Variants in NOS1 observed in about 807,000 individuals in gnomAD.
NOS1 encodes the protein nitric oxide synthase 1.
A neutral mutation model predicts 164.5 loss-of-function variants in NOS1; 51 were observed. The ratio of observed to expected loss-of-function variants is 0.31; its 90% CI spans 0.25 to 0.39. The LOEUF is 0.39. NOS1 is among the 10% of genes least tolerant of loss of function. The pLI, the probability that NOS1 is intolerant of heterozygous loss-of-function variation, is 1.00. For synonymous variants in NOS1, 719 were observed against 745.8 expected, an observed-to-expected ratio of 0.96 and a Z score of 0.59; for missense variants, 1,362 against 1,885.6, an observed-to-expected ratio of 0.72 and a Z score of 5.14.
intron 1 of NOS1, among the ~76,000 whole-genome samples, chr12:117,346,033 T>C (rs1199306692): frequency 6.6e-6 from 1 of 152,212 alleles, no homozygotes; most frequent in Non-Finnish European, 1.5e-5. Context: ...CATGCCGTGT[T>C]TGGAGAGCAG....
chr12:117,350,115 G>A (rs1158798476), intron 1 of NOS1, among the ~76,000 whole-genome samples: 1 of 152,046 alleles, frequency 6.6e-6, no homozygotes, highest in East Asian at 1.9e-4. Flanking sequence ...TTTCCACCAA[G>A]AAAGTTTCTC....
intron 1 of NOS1, among the ~76,000 whole-genome samples, chr12:117,353,326 C>G (rs1415777787): frequency 6.6e-6 from 1 of 152,128 alleles, no homozygotes; most frequent in African/African-American, 2.4e-5. Context: ...ACCTACCTAC[C>G]TCTCCATCTA....
rs76496626 is a variant in NOS1 at position 117,335,015 on chromosome 12, C to T, written c.-420-3526G>A. ...TTCTCTAAACCTCAGTTCCAAAATG[C>T]GGTCATTTGTAATCACCTCGTCTCT... On this transcript the variant is annotated intron_variant, in intron 1 of 28. Transcript: ENST00000317775. Among the ~76,000 whole-genome samples the T allele has an allele frequency of 9.6e-3, 1,463 of 152,192 alleles. 26 individuals are homozygous for T. Among genetic ancestry groups the T allele is most frequent in the South Asian group, 0.035 (168 of 4,820 alleles).
At chr12:117,227,872 A>G (rs1250770533) in intron 22 of NOS1, among the ~76,000 whole-genome samples, 6 of 152,004 alleles carry the variant, frequency 3.9e-5, no homozygotes, top group African/African-American at 1.4e-4. Context: ...ACAAAAAATT[A>G]AGAAAAATTA....
chr12:117,265,947 C>A (rs561155007), intron 11 of NOS1, among the ~76,000 whole-genome samples: 1 of 130,532 alleles, frequency 7.7e-6, no homozygotes, highest in African/African-American at 2.8e-5. Flanking sequence ...CCCGCCACCA[C>A]GCCTGGCTAA....
intron 1 of NOS1, among the ~76,000 whole-genome samples, chr12:117,357,456 A>G (rs2136099555): frequency 6.6e-6 from 1 of 152,382 alleles, no homozygotes; most frequent in Admixed American, 6.5e-5. Context: ...CGGGGCTTGT[A>G]CTGAAGGAAA....
intron 2 of NOS1, among the ~76,000 whole-genome samples, chr12:117,320,415 G>A (rs74744759): frequency 0.012 from 1,883 of 152,212 alleles, 41 homozygotes; most frequent in African/African-American, 0.042. Context: ...ACAAGCTAAA[G>A]GATGCAAGGA....
intron 26 of NOS1, among the ~76,000 whole-genome samples, chr12:117,221,317 G>C (rs1410805256): frequency 6.7e-6 from 1 of 150,214 alleles, no homozygotes; most frequent in African/African-American, 2.5e-5. Context: ...ACCACACCTG[G>C]CTTTTTTTTT....
chr12:117,260,826 A>ATT lies in NOS1; in HGVS notation c.2223-219_2223-218dup, dbSNP rs9658423. 1.1e-4 allele frequency among the ~76,000 whole-genome samples: 17 copies of ATT among 151,854 alleles called. No individual in the cohort carries two copies. The South Asian group carries it at 3.5e-3, about 32-fold the overall frequency. On this transcript the variant is annotated intron_variant, in intron 13 of 28. Coordinates refer to ENST00000317775, the MANE Select transcript of NOS1 (RefSeq NM_000620.5). The stretch of plus-strand genomic sequence containing the variant: ...ATTATTAAATCCTTTATTTTATTTT[A>ATT]TTTTTTAACTTCTCTAGAGATAATG...
At chr12:117,300,438 C>A (rs1488573872) in intron 3 of NOS1, among the ~76,000 whole-genome samples, 1 of 152,218 alleles carries the variant, frequency 6.6e-6, no homozygotes, top group Non-Finnish European at 1.5e-5. Flanking sequence ...TCACGCACCA[C>A]TTCCTGGCTC....
chr12:117,322,021 TCTC>T (rs1482466726), intron 2 of NOS1, among the ~76,000 whole-genome samples: 3 of 63,714 alleles, frequency 4.7e-5, no homozygotes, highest in African/African-American at 6.3e-5. Flanking sequence ...TCCCTCCCTC[TCTC>T]CTTCCTTTCC....
chr12:117,263,954 A>T lies in NOS1; in HGVS notation c.2157T>A (p.His719Gln). The change falls in exon 13 of 29, where the codon CAT becomes CAA. Residue 719 changes from histidine (H) to glutamine (Q), a missense_variant. His to Gln is a conservative substitution (Grantham distance 24, BLOSUM62 0). This residue lies in a region of NOS1 where 737 missense variants were observed against 1,030.3 expected (regional missense o/e 0.72). Coordinates refer to ENST00000317775, the MANE Select transcript of NOS1 (RefSeq NM_000620.5). ...GGGTCCCGTTGGTGCCTTTCCAGAC[A>T]TGCGTGTTCCAGGGATCAGGCTGGG... Reference protein sequence around the residue: ...FEYQPDPWNTHVWKGTNGTPT... With the variant: ...FEYQPDPWNTQVWKGTNGTPT... The T allele has an allele frequency of 6.2e-7, 1 of 1,613,692 alleles. No individual in the cohort carries two copies. The highest frequency in any genetic ancestry group is 8.5e-7 in the Non-Finnish European group (1 of 1,179,824).
chr12:117,216,051 T>C (rs1211170547), intron 28 of NOS1, among the ~76,000 whole-genome samples: 2 of 151,640 alleles, frequency 1.3e-5, no homozygotes, highest in African/African-American at 2.4e-5. Context: ...CTAACTTTTG[T>C]GTTTTTAGTA....
intron 17 of NOS1, among the ~76,000 whole-genome samples, chr12:117,249,529 C>T (rs546586693): frequency 1.3e-5 from 2 of 152,196 alleles, no homozygotes; most frequent in African/African-American, 4.8e-5. Context: ...TAATGGTCCT[C>T]AGGGACTTGT....
At chr12:117,349,770 C>T (rs1043064499) in intron 1 of NOS1, among the ~76,000 whole-genome samples, 1 of 152,098 alleles carries the variant, frequency 6.6e-6, no homozygotes, top group African/African-American at 2.4e-5. Flanking sequence ...GTTGCCCAGG[C>T]TGGAGTGCAG....
Position 117,303,299 on chromosome 12 carries a change from C to T in NOS1, c.852+8167G>A, listed in dbSNP as rs139263318. Among the ~76,000 whole-genome samples the T allele has an allele frequency of 7.0e-3, 1,068 of 152,292 alleles. 16 individuals are homozygous for T. Among genetic ancestry groups the T allele is most frequent in the African/African-American group, 0.024 (1,009 of 41,560 alleles). On this transcript the variant is annotated intron_variant, in intron 3 of 28. Coordinates refer to ENST00000317775, the MANE Select transcript of NOS1 (RefSeq NM_000620.5). The stretch of plus-strand genomic sequence containing the variant: ...AGAAACGGCCCGCAAGCCTGTCCCC[C>T]ACCTTTCTCATAATTTAGAGCTCTC...
intron 20 of NOS1, among the ~76,000 whole-genome samples, chr12:117,236,565 G>A (rs1869730564): frequency 6.6e-6 from 1 of 152,194 alleles, no homozygotes; most frequent in Non-Finnish European, 1.5e-5. Context: ...GCACGACTGA[G>A]CCTTCTCAGA....
At chr12:117,294,603 T>C (rs1307223834) in intron 3 of NOS1, among the ~76,000 whole-genome samples, 1 of 152,204 alleles carries the variant, frequency 6.6e-6, no homozygotes, top group East Asian at 1.9e-4. Context: ...GAGATTAATA[T>C]AGCAGTCAGG....
chr12:117,338,688 C>G (rs1431161232), intron 1 of NOS1, among the ~76,000 whole-genome samples: 3 of 152,110 alleles, frequency 2.0e-5, no homozygotes, highest in Non-Finnish European at 2.9e-5. Flanking sequence ...AGATCTCTAT[C>G]TGCAAATAAG....
Sources: gnomAD v4.1 joint callset for allele counts (sites outside exome capture counted in the v4.1 genomes callset) on GRCh38, gnomAD v4.1.1 for gene constraint, gnomAD v4.1.1 regional missense constraint, MANE v1.5 for transcripts, NCBI Gene and HGNC (gene_info 2026-07-23, HGNC 2026-07-21) for gene names.